Variants in CNTNAP2 observed in about 807,000 individuals in gnomAD.
CNTNAP2 encodes contactin associated protein 2.
A neutral mutation model predicts 155.2 loss-of-function variants in CNTNAP2; 98 were observed. The observed-to-expected ratio is 0.63, with a 90% confidence interval of 0.54 to 0.75. The LOEUF (loss-of-function observed/expected upper bound fraction) is 0.75. Among genes scored for constraint, CNTNAP2 ranks in the 30% least tolerant of loss-of-function variants. The pLI, the probability that CNTNAP2 is intolerant of heterozygous loss-of-function variation, is 0.00. For synonymous variants in CNTNAP2, 651 were observed against 631.2 expected, an observed-to-expected ratio of 1.03 and a Z score of -0.47; for missense variants, 1,727 against 1,688.1, an observed-to-expected ratio of 1.02 and a Z score of -0.40.
At chr7:148,284,564 T>G (rs62470562) in intron 21 of CNTNAP2, among the ~76,000 whole-genome samples, 24,992 of 149,252 alleles carry the variant, frequency 0.17, 2,480 homozygotes, top group Middle Eastern at 0.24. Context: ...CACACTAGAT[T>G]AACAAGTCCA....
At chr7:148,142,451 T>G (rs1805095635) in intron 16 of CNTNAP2, among the ~76,000 whole-genome samples, 1 of 152,158 alleles carries the variant, frequency 6.6e-6, no homozygotes, top group African/African-American at 2.4e-5. Context: ...AGAGTGAGGC[T>G]GAAATATCTG....
chr7:147,896,024 T>C (rs1799770358), intron 13 of CNTNAP2, among the ~76,000 whole-genome samples: 1 of 152,204 alleles, frequency 6.6e-6, no homozygotes, highest in African/African-American at 2.4e-5. Context: ...CAGAACAACA[T>C]CAATTTTGCA....
chr7:146,475,515 C>T (rs1026056822), intron 1 of CNTNAP2, among the ~76,000 whole-genome samples: 6 of 152,054 alleles, frequency 3.9e-5, no homozygotes, highest in Non-Finnish European at 5.9e-5. Flanking sequence ...TATTAGTTTT[C>T]GGGAGGCAGA....
At chr7:146,433,675 G>A (rs940451119) in intron 1 of CNTNAP2, among the ~76,000 whole-genome samples, 1 of 152,162 alleles carries the variant, frequency 6.6e-6, no homozygotes, top group African/African-American at 2.4e-5. Context: ...ATTGCAAAAT[G>A]CTTCTCTATA....
intron 1 of CNTNAP2, among the ~76,000 whole-genome samples, chr7:146,561,160 A>G (rs181454908): frequency 1.3e-5 from 2 of 152,106 alleles, no homozygotes; most frequent in African/African-American, 4.8e-5. Context: ...TTTCCCTTCC[A>G]TATTTTCTTT....
chr7:147,969,059 G>T (rs1280130654), intron 14 of CNTNAP2, among the ~76,000 whole-genome samples: 1 of 152,102 alleles, frequency 6.6e-6, no homozygotes, highest in Non-Finnish European at 1.5e-5. Context: ...AGGCAAACTG[G>T]TCTCCTTCTC....
At chr7:146,781,438 A>T (rs56030848) in intron 2 of CNTNAP2, among the ~76,000 whole-genome samples, 1 of 151,946 alleles carries the variant, frequency 6.6e-6, no homozygotes, top group Non-Finnish European at 1.5e-5. Context: ...GAAGTTCATA[A>T]TTGCCACGAT....
In CNTNAP2 at chr7:146,830,627, T is replaced by C. The variant is rs144619795; in HGVS notation, c.209-9084T>C. On this transcript the variant is annotated intron_variant, in intron 2 of 23. Transcript: ENST00000361727. The stretch of plus-strand genomic sequence containing the variant: ...TCTAAGCATTAGATACCTTTAATCA[T>C]GAAATTGATAATGCGTTTCTTCAAA... Among the ~76,000 whole-genome samples, 1,021 of 152,322 alleles carry C rather than the reference T, an allele frequency of 6.7e-3. 5 individuals are homozygous for C. Among genetic ancestry groups the C allele is most frequent in the South Asian group, 0.018 (85 of 4,830 alleles).
At position 148,415,625 on chromosome 7, in the gene CNTNAP2, T is replaced by C. The variant is rs539868299; in HGVS notation, c.*9T>C. The stretch of plus-strand genomic sequence containing the variant: ...AGGAATGGCTCATTTGAGGGGTGGC[T>C]ACTTGGCTATGGGATAGGGAGGAGG... On this transcript the variant is annotated 3_prime_UTR_variant, in exon 24 of 24. Transcript: ENST00000361727. The C allele has an allele frequency of 1.2e-4, 187 of 1,614,098 alleles. 2 individuals are homozygous for C. The South Asian group carries it at 2.0e-3, about 17-fold the overall frequency.
intron 3 of CNTNAP2, among the ~76,000 whole-genome samples, chr7:146,931,245 C>A (rs893198724): frequency 7.2e-5 from 11 of 152,058 alleles, no homozygotes; most frequent in African/African-American, 2.7e-4. Flanking sequence ...TCTCTCAGAC[C>A]ACAGTGCAAT....
intron 15 of CNTNAP2, among the ~76,000 whole-genome samples, chr7:148,098,690 T>G (rs114876952): frequency 0.011 from 1,608 of 152,146 alleles, 21 homozygotes; most frequent in South Asian, 0.044. Context: ...TTTTTAAATT[T>G]TCATTAAAAT....
chr7:147,360,526 T>G (rs903226855), intron 9 of CNTNAP2, among the ~76,000 whole-genome samples: 7 of 152,204 alleles, frequency 4.6e-5, no homozygotes, highest in African/African-American at 1.7e-4. Flanking sequence ...CTTATTTTCT[T>G]GATTAACTCT....
Position 147,751,696 on chromosome 7 carries a change from C to G in CNTNAP2, c.2098+112390C>G, listed in dbSNP as rs199682841. On this transcript the variant is annotated intron_variant, in intron 13 of 23. Transcript: ENST00000361727. ...CTTTAATAAGTTCGAATGACGACATCAAAAATATACACAGCCTATGATAAT... is the reference window on the plus strand; with the variant it reads ...CTTTAATAAGTTCGAATGACGACATGAAAAATATACACAGCCTATGATAAT... Among the ~76,000 whole-genome samples, 3 of 152,306 alleles carry G rather than the reference C, an allele frequency of 2.0e-5. No individual in the cohort carries two copies. In the South Asian group the frequency reaches 6.2e-4, roughly 32 times the overall value.
intron 8 of CNTNAP2, among the ~76,000 whole-genome samples, chr7:147,291,966 G>A (rs1282896060): frequency 6.6e-6 from 1 of 152,086 alleles, no homozygotes; most frequent in Non-Finnish European, 1.5e-5. Flanking sequence ...ATTTACAGGA[G>A]CTCTTAGTAT....
At chr7:148,373,446 C>T (rs1365801940) in intron 21 of CNTNAP2, among the ~76,000 whole-genome samples, 1 of 152,142 alleles carries the variant, frequency 6.6e-6, no homozygotes, top group South Asian at 2.1e-4. Context: ...CAGAGCGAGA[C>T]TCAGTCTCAA....
chr7:146,859,476 G>A (rs1257632323), intron 3 of CNTNAP2, among the ~76,000 whole-genome samples: 2 of 152,098 alleles, frequency 1.3e-5, no homozygotes, highest in Admixed American at 6.6e-5. Context: ...GATCAACCTG[G>A]AGAAACCCTG....
chr7:146,765,037 T>C (rs1802170774), intron 1 of CNTNAP2, among the ~76,000 whole-genome samples: 1 of 152,128 alleles, frequency 6.6e-6, no homozygotes, highest in African/African-American at 2.4e-5. Flanking sequence ...CCAATATTGA[T>C]CATAATAGAT....
intron 1 of CNTNAP2, among the ~76,000 whole-genome samples, chr7:146,485,670 T>C (rs1230261220): frequency 6.6e-6 from 1 of 152,138 alleles, no homozygotes; most frequent in Non-Finnish European, 1.5e-5. Context: ...CCATCCAAGC[T>C]GGAGTGCAGT....
chr7:148,218,966 TG>T (rs1795695345), intron 19 of CNTNAP2, among the ~76,000 whole-genome samples: 2 of 124,718 alleles, frequency 1.6e-5, no homozygotes, highest in Admixed American at 8.7e-5. Context: ...TTTTTGGAGA[TG>T]GAGTCTCGCT....
Sources: gnomAD v4.1 joint callset for allele counts (sites outside exome capture counted in the v4.1 genomes callset) on GRCh38, gnomAD v4.1.1 for gene constraint, MANE v1.5 for transcripts, NCBI Gene and HGNC (gene_info 2026-07-23, HGNC 2026-07-21) for gene names.